The following CACNA1C variants were observed in gnomAD, a reference collection of about 807,000 sequenced individuals.
CACNA1C encodes voltage-dependent L-type calcium channel subunit alpha-1C.
CACNA1C carries 30 observed loss-of-function variants against 229.0 expected under a neutral mutation model. That is an observed-to-expected ratio of 0.13 (90% CI 0.10 to 0.18). The LOEUF is 0.18. Among genes scored for constraint, CACNA1C ranks in the 10% least tolerant of loss-of-function variants. CACNA1C has a pLI of 1.00. For missense variants in CACNA1C, 1,658 were observed against 2,845.0 expected, an observed-to-expected ratio of 0.58 and a Z score of 9.49; for synonymous variants, 1,114 against 1,132.5, an observed-to-expected ratio of 0.98 and a Z score of 0.33.
rs1250636500 is a variant in CACNA1C at position 2,597,582 on chromosome 12, C to T, written c.2853+293C>T. 4.4e-6 allele frequency: 4 copies of T among 914,186 alleles called. No homozygotes were observed. Among genetic ancestry groups the T allele is most frequent in the Non-Finnish European group, 7.2e-6 (4 of 559,322 alleles). 56.6% of individuals were successfully genotyped at this position (914,186 alleles called of 1,614,324 possible). On this transcript the variant is annotated intron_variant, in intron 21 of 46. Coordinates refer to ENST00000399655, the MANE Select transcript of CACNA1C (RefSeq NM_000719.7). The surrounding 1 kb of genome is among the most constrained non-coding windows in gnomAD (Gnocchi z 4.3). ...GCTGGATCTTTTGTCTTTTCTGTTTCTTTCACTCTCTCTTTTCTTTACTCC... is the reference window on the plus strand; with the variant it reads ...GCTGGATCTTTTGTCTTTTCTGTTTTTTTCACTCTCTCTTTTCTTTACTCC...
At chr12:2,406,572 A>T (rs1489851379) in intron 3 of CACNA1C, among the ~76,000 whole-genome samples, 2 of 151,986 alleles carry the variant, frequency 1.3e-5, no homozygotes, top group Non-Finnish European at 2.9e-5. Flanking sequence ...AATTTCATTT[A>T]TTGTTCTTTT....
Position 2,317,217 on chromosome 12 carries a change from C to T in CACNA1C, c.478-131759C>T, listed in dbSNP as rs538719988. On this transcript the variant is annotated intron_variant, in intron 3 of 46. Coordinates refer to ENST00000399655, the MANE Select transcript of CACNA1C (RefSeq NM_000719.7). Reference sequence around the variant, plus strand: ...AAAGAGATATTCGCACACCCATGTTCGTGGTAGCATCACTCACAAAAGCCA... The same window carrying T: ...AAAGAGATATTCGCACACCCATGTTTGTGGTAGCATCACTCACAAAAGCCA... Among the ~76,000 whole-genome samples, 11 of 152,304 alleles carry T rather than the reference C, an allele frequency of 7.2e-5. No individual in the cohort carries two copies. In the East Asian group the frequency reaches 1.7e-3, roughly 24 times the overall value.
At chr12:2,596,207 T>A in intron 20 of CACNA1C, 1 of 472,026 alleles carries the variant, frequency 2.1e-6, no homozygotes, top group Non-Finnish European at 3.7e-6. Flanking sequence ...TGTACCCAAA[T>A]GCTCAGGCTG....
At position 2,665,117 on chromosome 12, in the gene CACNA1C, G is replaced by A; in HGVS notation, c.4398+127G>A. The A allele has an allele frequency of 1.1e-6, 1 of 921,746 alleles. No homozygotes were observed. The highest frequency in any genetic ancestry group is 2.6e-5 in the East Asian group (1 of 38,960). 57.1% of individuals were successfully genotyped at this position (921,746 alleles called of 1,614,324 possible). On this transcript the variant is annotated intron_variant, in intron 35 of 46. Coordinates refer to ENST00000399655, the MANE Select transcript of CACNA1C (RefSeq NM_000719.7). This position sits in a 1 kb window ranked among gnomAD's most constrained non-coding sequence, Gnocchi z 5.9. ...AGAGGAGCTGGCTTGGGAAGACTAA[G>A]TTGGCAGGAGTGTCCAGCCACATGG...
At chr12:2,429,440 G>A (rs1200864487) in intron 3 of CACNA1C, among the ~76,000 whole-genome samples, 1 of 152,178 alleles carries the variant, frequency 6.6e-6, no homozygotes, top group Non-Finnish European at 1.5e-5. Flanking sequence ...CACACACCAA[G>A]TTGATGTGGG....
At position 2,493,660 on chromosome 12, in the gene CACNA1C, A is replaced by G. The variant is rs755524340; in HGVS notation, c.1113+274A>G. On this transcript the variant is annotated intron_variant, in intron 7 of 46. Coordinates refer to ENST00000399655, the MANE Select transcript of CACNA1C (RefSeq NM_000719.7). The surrounding 1 kb of genome is among the most constrained non-coding windows in gnomAD (Gnocchi z 4.6). The stretch of plus-strand genomic sequence containing the variant: ...CAGTGCAAAACCCTGGTGTGCAGGC[A>G]TGGATGAGCTGGCCAGGCTGGCACA... Among the ~76,000 whole-genome samples the G allele has an allele frequency of 7.9e-5, 12 of 152,118 alleles. No individual in the cohort carries two copies. Among genetic ancestry groups the G allele is most frequent in the Non-Finnish European group, 1.6e-4 (11 of 68,010 alleles).
intron 3 of CACNA1C, among the ~76,000 whole-genome samples, chr12:2,190,402 G>A (rs965237097): frequency 3.3e-5 from 5 of 152,278 alleles, no homozygotes; most frequent in African/African-American, 1.2e-4. Flanking sequence ...TCCATCAGCC[G>A]TTTATCTAGC....
intron 5 of CACNA1C, among the ~76,000 whole-genome samples, chr12:2,472,710 T>C (rs1489104717): frequency 1.3e-5 from 2 of 152,216 alleles, no homozygotes; most frequent in Non-Finnish European, 2.9e-5. Flanking sequence ...ATTGACTGCT[T>C]TTTTCCTTGA....
In CACNA1C at chr12:2,585,715, G is replaced by T; in HGVS notation, c.2461-120G>T. On this transcript the variant is annotated intron_variant, in intron 17 of 46. Transcript: ENST00000399655. The surrounding 1 kb of genome is among the most constrained non-coding windows in gnomAD (Gnocchi z 4.1). ...ATGTCTTGAAGGAGATATGCAAAGT[G>T]ACAAGTACCTATTTTTGAGCTAAGT... 2.2e-6 allele frequency: 2 copies of T among 915,916 alleles called. No homozygotes were observed. Among genetic ancestry groups the T allele is most frequent in the South Asian group, 1.4e-5 (1 of 70,136 alleles). 56.7% of individuals were successfully genotyped at this position (915,916 alleles called of 1,614,324 possible).
chr12:2,453,325 G>A (rs566927516), intron 4 of CACNA1C, among the ~76,000 whole-genome samples: 2 of 152,196 alleles, frequency 1.3e-5, no homozygotes, highest in East Asian at 3.9e-4. Context: ...CAGATACCTG[G>A]GGCATAAGTC....
chr12:2,367,042 C>G (rs1427922507), intron 3 of CACNA1C, among the ~76,000 whole-genome samples: 1 of 152,092 alleles, frequency 6.6e-6, no homozygotes. Context: ...TGTGGGGATT[C>G]CAATTTGAGA....
At chr12:2,508,110 A>G (rs1443314475) in intron 8 of CACNA1C, among the ~76,000 whole-genome samples, 1 of 152,360 alleles carries the variant, frequency 6.6e-6, no homozygotes, top group South Asian at 2.1e-4. Flanking sequence ...GCAGATCTTC[A>G]TGGCCCTTGA....
intron 25 of CACNA1C, 76 bp downstream of exon 25, chr12:2,606,739 G>A (rs1568740900): frequency 7.5e-7 from 1 of 1,331,396 alleles, no homozygotes; most frequent in South Asian, 1.3e-5. Context: ...CAGAAAGGAG[G>A]GACAGCTCAT....
At chr12:2,458,493 C>A (rs2099461481) in intron 5 of CACNA1C, among the ~76,000 whole-genome samples, 1 of 152,224 alleles carries the variant, frequency 6.6e-6, no homozygotes, top group African/African-American at 2.4e-5. Flanking sequence ...GAACTCCTTT[C>A]TACTCTTCCC....
intron 3 of CACNA1C, among the ~76,000 whole-genome samples, chr12:2,378,286 T>A (rs1025263787): frequency 2.0e-5 from 3 of 152,138 alleles, no homozygotes; most frequent in Admixed American, 6.5e-5. Flanking sequence ...CCAGGAGAGT[T>A]CCAGGCATCC....
intron 13 of CACNA1C, among the ~76,000 whole-genome samples, chr12:2,576,908 C>A (rs1040041829): frequency 6.6e-6 from 1 of 152,218 alleles, no homozygotes; most frequent in African/African-American, 2.4e-5. Context: ...TATCAGCATT[C>A]TTTGCCACAT....
rs2032273072 is a variant in CACNA1C, at chr12:1,971,539, A to AT, written c.139+344dup. Among the ~76,000 whole-genome samples, 1 of 152,210 alleles carries AT rather than the reference A, an allele frequency of 6.6e-6. No homozygotes were observed. Among genetic ancestry groups the AT allele is most frequent in the Non-Finnish European group, 1.5e-5 (1 of 68,036 alleles). On this transcript the variant is annotated intron_variant, in intron 1 of 46. Transcript: ENST00000682462. This position sits in a 1 kb window ranked among gnomAD's most constrained non-coding sequence, Gnocchi z 4.2. ...ATTTCCATATAGACTTCATGTCTGGATTTTTTAGGTCCACAAAGACAAGGC... is the reference window on the plus strand; with the variant it reads ...ATTTCCATATAGACTTCATGTCTGGATTTTTTTAGGTCCACAAAGACAAGGC...
rs536377458 is a variant in CACNA1C, at chr12:2,115,404, G to T, written c.230G>T (p.Ser77Ile). The T allele has an allele frequency of 1.2e-6, 2 of 1,611,896 alleles. No homozygotes were observed. The highest frequency in any genetic ancestry group is 2.7e-5 in the African/African-American group (2 of 75,062). The change falls in exon 2 of 47, where the codon AGC (serine) becomes ATC (isoleucine). Residue 77 changes from serine to isoleucine, a missense_variant. Physicochemically the swap from Ser to Ile is moderately radical, Grantham distance 142 (BLOSUM62 -2). Coordinates refer to ENST00000399655, the MANE Select transcript of CACNA1C (RefSeq NM_000719.7). Reference protein sequence around the residue: ...SAGNATISTVSSTQRKRQQYG... With the variant: ...SAGNATISTVISTQRKRQQYG... ...GGCAATGCGACCATCTCCACAGTCAGCTCCACGCAGCGGAAGCGGCAGCAA... is the reference window on the plus strand; with the variant it reads ...GGCAATGCGACCATCTCCACAGTCATCTCCACGCAGCGGAAGCGGCAGCAA...
chr12:2,205,315 G>A (rs949690549), intron 3 of CACNA1C, among the ~76,000 whole-genome samples: 2 of 152,202 alleles, frequency 1.3e-5, no homozygotes, highest in African/African-American at 4.8e-5. Flanking sequence ...GTGGGGCTTG[G>A]CTGGTGGGGG....
Sources: gnomAD v4.1 joint callset for allele counts (sites outside exome capture counted in the v4.1 genomes callset) on GRCh38, gnomAD v4.1.1 for gene constraint, Gnocchi (gnomAD v3.1) non-coding constraint, MANE v1.5 for transcripts, NCBI Gene and HGNC (gene_info 2026-07-23, HGNC 2026-07-21) for gene names.